Variants in TULP4 observed in about 807,000 individuals in gnomAD.
TULP4 encodes TUB like protein 4, also known as tubby-related protein 4.
A neutral mutation model predicts 129.0 loss-of-function variants in TULP4; 16 were observed. The ratio of observed to expected loss-of-function variants is 0.12; its 90% CI spans 0.08 to 0.19. TULP4 has a LOEUF of 0.19. Among genes scored for constraint, TULP4 ranks in the 10% least tolerant of loss-of-function variants. The pLI is 1.00. For missense variants in TULP4, 1,842 were observed against 2,059.1 expected (o/e 0.89, Z 2.04); for synonymous variants, 998 against 854.0 (o/e 1.17, Z -2.94).
chr6:158,317,583 T>G (rs571796246), intron 1 of TULP4, among the ~76,000 whole-genome samples: 1 of 152,324 alleles, frequency 6.6e-6, no homozygotes, highest in African/African-American at 2.4e-5. Context: ...ACATTTCGGT[T>G]GGTTCCAAGT....
chr6:158,356,891 G>C (rs143613566), intron 1 of TULP4, among the ~76,000 whole-genome samples: 1 of 152,008 alleles, frequency 6.6e-6, no homozygotes, highest in South Asian at 2.1e-4. Context: ...GGTTGCCCAG[G>C]AGAGTTAGGA....
chr6:158,408,391 T>G (rs1369479684), intron 1 of TULP4, among the ~76,000 whole-genome samples: 1 of 152,182 alleles, frequency 6.6e-6, no homozygotes, highest in East Asian at 1.9e-4. Context: ...CATTTATCTT[T>G]TATTAAAGAG....
At chr6:158,406,187 C>G (rs960308467) in intron 1 of TULP4, among the ~76,000 whole-genome samples, 4 of 152,118 alleles carry the variant, frequency 2.6e-5, no homozygotes, top group African/African-American at 9.7e-5. Flanking sequence ...CCTCTTGGAC[C>G]CTGACCTAAC....
At position 158,464,328 on chromosome 6, in the gene TULP4, CA is replaced by C. The variant is rs561006893; in HGVS notation, c.1026+2600del. On this transcript the variant is annotated intron_variant, in intron 6 of 13. Coordinates refer to ENST00000367097, the MANE Select transcript of TULP4 (RefSeq NM_020245.5). ...TAGGACATCTTGAAACCAGGCCATA[CA>C]CATGTCACAGGTGGATTCAAAGATT... is the stretch of plus-strand genomic sequence containing the variant. Among the ~76,000 whole-genome samples, 617 of 152,298 alleles carry C rather than the reference CA, an allele frequency of 4.1e-3. 4 individuals are homozygous for C. Among genetic ancestry groups the C allele is most frequent in the African/African-American group, 0.014 (587 of 41,562 alleles).
At chr6:158,351,261 G>T (rs550101717) in intron 1 of TULP4, among the ~76,000 whole-genome samples, 1 of 152,296 alleles carries the variant, frequency 6.6e-6, no homozygotes, top group South Asian at 2.1e-4. Context: ...CATTCTTTTA[G>T]TGCAGAACTG....
chr6:158,272,935 G>A (rs1031728557), intron 1 of TULP4, among the ~76,000 whole-genome samples: 1 of 152,212 alleles, frequency 6.6e-6, no homozygotes, highest in Non-Finnish European at 1.5e-5. Flanking sequence ...TATTGGGTTT[G>A]TAGATGCATA....
intron 3 of TULP4, among the ~76,000 whole-genome samples, chr6:158,431,877 T>G (rs1161040906): frequency 6.6e-6 from 1 of 152,038 alleles, no homozygotes; most frequent in Non-Finnish European, 1.5e-5. Flanking sequence ...AGAGCTGATG[T>G]GGCAAGCAAT....
chr6:158,452,175 C>G lies in TULP4; in HGVS notation c.766C>G (p.Pro256Ala). ...AYPIPVQNIK[P>A]LLTVSFTSGD... Reference sequence around the variant, plus strand: ...TCCCATCCCAGTGCAGAACATCAAGCCTCTGCTCACCGTCAGCTTCACCTC... The same window carrying G: ...TCCCATCCCAGTGCAGAACATCAAGGCTCTGCTCACCGTCAGCTTCACCTC... The change falls in exon 5 of 14, where the codon CCT (proline) becomes GCT (alanine). Residue 256 changes from proline to alanine, a missense_variant. By Grantham distance (27) the Pro-to-Ala change is conservative. Transcript: ENST00000367097. The G allele has an allele frequency of 3.7e-6, 6 of 1,614,236 alleles. No homozygotes were observed. Among genetic ancestry groups the G allele is most frequent in the African/African-American group, 1.3e-5 (1 of 75,072 alleles).
chr6:158,353,718 T>C (rs11751553), intron 1 of TULP4, among the ~76,000 whole-genome samples: 26,375 of 152,296 alleles, frequency 0.17, 2,715 homozygotes, highest in Middle Eastern at 0.26. Context: ...TTTGTTAATA[T>C]GTTCAAATGC....
intron 1 of TULP4, among the ~76,000 whole-genome samples, chr6:158,380,929 G>GAAAA (rs1174697527): frequency 4.1e-5 from 6 of 145,224 alleles, no homozygotes; most frequent in Middle Eastern, 3.5e-3. Context: ...GAAGAAGAAA[G>GAAAA]AGGTTTCAAA....
At chr6:158,388,322 C>CTTTTTTTTTTTTTTT (rs10650311) in intron 1 of TULP4, among the ~76,000 whole-genome samples, 5 of 86,260 alleles carry the variant, frequency 5.8e-5, no homozygotes, top group East Asian at 4.2e-4. Context: ...GCTCGTTTTT[C>CTTTTTTTTTTTTTTT]TTTTTTTTTT....
In TULP4 at chr6:158,250,383, C is replaced by G. The variant is rs185942738; in HGVS notation, n.68+18080C>G. On this transcript the variant is annotated intron_variant and non_coding_transcript_variant, in intron 1 of 1. Transcript: ENST00000620026. ...ATGTTGGCCAGGATGATCTCGATCT[C>G]TTGACCTCGTGATCTGCCTGCCTTG... Among the ~76,000 whole-genome samples, 239 of 152,206 alleles carry G rather than the reference C, an allele frequency of 1.6e-3. 2 individuals are homozygous for G. Among genetic ancestry groups the G allele is most frequent in the African/African-American group, 5.2e-3 (214 of 41,524 alleles).
chr6:158,369,674 A>G (rs1302752104), intron 1 of TULP4, among the ~76,000 whole-genome samples: 2 of 152,226 alleles, frequency 1.3e-5, no homozygotes, highest in Non-Finnish European at 2.9e-5. Context: ...AGCAAGGTAC[A>G]GAACAGACAA....
chr6:158,234,472 T>TTG (rs1777651428), intron 1 of TULP4, among the ~76,000 whole-genome samples: 1 of 152,198 alleles, frequency 6.6e-6, no homozygotes, highest in Admixed American at 6.5e-5. Flanking sequence ...TCAGGAAGGT[T>TTG]TGTGGAGTGG....
At chr6:158,497,254 T>G (rs373597085) in intron 11 of TULP4, among the ~76,000 whole-genome samples, 1 of 152,224 alleles carries the variant, frequency 6.6e-6, no homozygotes, top group Non-Finnish European at 1.5e-5. Flanking sequence ...AAATTAACTA[T>G]TGAATACTAG....
chr6:158,245,818 A>G (rs897390182), intron 1 of TULP4, among the ~76,000 whole-genome samples: 2 of 152,192 alleles, frequency 1.3e-5, no homozygotes, highest in African/African-American at 2.4e-5. Context: ...GCACTTGGAA[A>G]CATATAGGCA....
chr6:158,328,542 G>C (rs529117608), intron 1 of TULP4, among the ~76,000 whole-genome samples: 15 of 152,314 alleles, frequency 9.8e-5, no homozygotes, highest in African/African-American at 3.4e-4. Context: ...TGTTGGTGGA[G>C]AGAAGAATTG....
Position 158,468,813 on chromosome 6 carries a change from C to T in TULP4, c.1026+7084C>T, listed in dbSNP as rs939784023. Among the ~76,000 whole-genome samples, 4 of 152,312 alleles carry T rather than the reference C, an allele frequency of 2.6e-5. 1 individual carries two copies. Among genetic ancestry groups the T allele is most frequent in the African/African-American group, 7.2e-5 (3 of 41,562 alleles). On this transcript the variant is annotated intron_variant, in intron 6 of 13. Coordinates refer to ENST00000367097, the MANE Select transcript of TULP4 (RefSeq NM_020245.5). ...AGCGTCTGGTCCGCTCCATAGATGG[C>T]GCCTTGTGCCTGTGTCCTCACATGG... is the stretch of plus-strand genomic sequence containing the variant.
intron 4 of TULP4, among the ~76,000 whole-genome samples, chr6:158,449,396 G>A (rs747412950): frequency 6.6e-5 from 10 of 152,082 alleles, no homozygotes; most frequent in Non-Finnish European, 1.5e-4. Context: ...ATCACTGGTC[G>A]AATTGATTAC....
Sources: allele counts gnomAD v4.1 joint callset (sites outside exome capture counted in the v4.1 genomes callset), GRCh38; gene constraint gnomAD v4.1.1; transcripts MANE v1.5; gene names NCBI Gene and HGNC (gene_info 2026-07-23, HGNC 2026-07-21).